The following MYO1F variants were observed in gnomAD, a reference collection of about 807,000 sequenced individuals.
MYO1F encodes the protein myosin IF.
MYO1F carries 60 observed loss-of-function variants against 146.6 expected under a neutral mutation model. That is an observed-to-expected ratio of 0.41 (90% CI 0.33 to 0.51). The LOEUF is 0.51. Among genes scored for constraint, MYO1F ranks in the 20% least tolerant of loss-of-function variants. The probability of loss-of-function intolerance (pLI) is 0.25; values close to 1 mark genes in which losing one functional copy is unlikely to be tolerated. For missense variants in MYO1F, 1,274 were observed against 1,534.3 expected (o/e 0.83, Z 2.83); for synonymous variants, 602 against 602.1 (o/e 1.00, Z 0.00).
Position 8,536,246 on chromosome 19 carries a change from A to G in MYO1F, c.2043+6T>C, listed in dbSNP as rs751355344. The G allele has an allele frequency of 6.9e-6, 11 of 1,601,186 alleles. No homozygotes were observed. Among genetic ancestry groups the G allele is most frequent in the Admixed American group, 1.7e-5 (1 of 59,836 alleles). On this transcript the variant is annotated splice_donor_region_variant and intron_variant, in intron 19 of 27. Transcript: ENST00000644032. ...CCTTCTCTGCCTGTCCCTCAAACAC[A>G]CTCACCGACTCTGGGTTCTTGACAA... is the stretch of plus-strand genomic sequence containing the variant.
At chr19:8,556,147 G>C (rs1345885322) in intron 1 of MYO1F, among the ~76,000 whole-genome samples, 1 of 151,428 alleles carries the variant, frequency 6.6e-6, no homozygotes. Context: ...TCCTGCCTCA[G>C]CCTCCCGAGT....
At chr19:8,534,881 TCC>T (rs1274095383) in intron 19 of MYO1F, among the ~76,000 whole-genome samples, 6 of 151,614 alleles carry the variant, frequency 4.0e-5, no homozygotes, top group African/African-American at 1.5e-4. Context: ...CGCCTCGGCT[TCC>T]CAAAGTGTTG....
At chr19:8,547,975 A>T in intron 12 of MYO1F, 61 bp downstream of exon 12, 2 of 1,414,530 alleles carry the variant, frequency 1.4e-6, no homozygotes, top group Non-Finnish European at 2.0e-6. Flanking sequence ...AGGGATCCTC[A>T]TGGTCCTTCC....
At position 8,554,365 on chromosome 19, in the gene MYO1F, G is replaced by C; in HGVS notation, c.326+112C>G. 4.6e-6 allele frequency: 4 copies of C among 873,362 alleles called. No homozygotes were observed. In the South Asian group the frequency reaches 5.3e-5, roughly 12 times the overall value. The allele number at this position is 873,362 out of a possible 1,614,324, so 54.1% of individuals were successfully genotyped here. A position where few individuals can be genotyped will look rare whatever the true frequency, so the allele number is the denominator to read the frequency against. ...ATAAAACAGAGTGAGGGCAGAGAGG[G>C]ACAGCAGGGCAATGTTCAGATTGGG... On this transcript the variant is annotated intron_variant, in intron 4 of 27. Transcript: ENST00000644032.
chr19:8,574,355 A>C (rs1555732720), intron 1 of MYO1F, among the ~76,000 whole-genome samples: 1 of 152,220 alleles, frequency 6.6e-6, no homozygotes, highest in African/African-American at 2.4e-5. Context: ...ATGAATGGAC[A>C]TCCCAGCTAA....
intron 2 of MYO1F, chr19:8,555,376 C>CAA (rs886749061): frequency 0.011 from 1,061 of 100,130 alleles, 3 homozygotes; most frequent in South Asian, 0.017. Flanking sequence ...GACTCCGTCT[C>CAA]AAAAAAAAAA....
chr19:8,521,748 C>A, intron 27 of MYO1F, 144 bp from the exon 28 acceptor site: 1 of 756,380 alleles, frequency 1.3e-6, no homozygotes, highest in African/African-American at 1.7e-5. Context: ...CCTCCTGCCT[C>A]AGCCTCCCAA....
Position 8,522,786 on chromosome 19 carries a change from G to A in MYO1F, c.2898C>T (p.Pro966=). Residue 966 remains proline, a synonymous_variant, in exon 26 of 28, where the codon CCC becomes CCT. Coordinates refer to ENST00000644032, the MANE Select transcript of MYO1F (RefSeq NM_012335.4). Reference sequence around the variant, plus strand: ...CTCCAGACATGATCTCCAGGGGCAGGGGGCCCCCTCTGGCAGAGGGGGGCA... The same window carrying A: ...CTCCAGACATGATCTCCAGGGGCAGAGGGCCCCCTCTGGCAGAGGGGGGCA... The part of the protein sequence containing the change: ...NGVPPSARGG[P]LPLEIMSGGG... The A allele has an allele frequency of 6.2e-7, 1 of 1,601,612 alleles. No individual in the cohort carries two copies. Among genetic ancestry groups the A allele is most frequent in the Non-Finnish European group, 8.5e-7 (1 of 1,175,882 alleles).
chr19:8,540,137 C>G (rs946746344), intron 15 of MYO1F, 109 bp from the exon 16 acceptor site: 1 of 805,986 alleles, frequency 1.2e-6, no homozygotes, highest in Non-Finnish European at 2.0e-6. Context: ...ATGGTTCTCT[C>G]AATGTGGAGG....
rs2145913465 is a variant in MYO1F at position 8,550,644 on chromosome 19, C to T, written c.822G>A (p.Leu274=). The change falls in exon 9 of 28, where the codon CTG becomes CTA. Residue 274 remains leucine (L), a synonymous_variant. Transcript: ENST00000644032. ...GIPPSIQQLV[L]QLVAGILHLG... Reference sequence around the variant, plus strand: ...GGTGCAAGATCCCCGCCACGAGCTGCAGGACCAGCTGCTGGATGCTGGGCG... The same window carrying T: ...GGTGCAAGATCCCCGCCACGAGCTGTAGGACCAGCTGCTGGATGCTGGGCG... 6.2e-7 allele frequency: 1 copy of T among 1,614,182 alleles called. No individual in the cohort carries two copies. Among genetic ancestry groups the T allele is most frequent in the Non-Finnish European group, 8.5e-7 (1 of 1,180,042 alleles).
intron 5 of MYO1F, 60 bp from the exon 6 acceptor site, chr19:8,553,288 G>T: frequency 6.3e-7 from 1 of 1,596,878 alleles, no homozygotes; most frequent in Non-Finnish European, 8.6e-7. Flanking sequence ...GCAGATGGGT[G>T]GGGCTGCACT....
At chr19:8,563,226 C>T (rs1484384477) in intron 1 of MYO1F, among the ~76,000 whole-genome samples, 1 of 151,234 alleles carries the variant, frequency 6.6e-6, no homozygotes, top group Non-Finnish European at 1.5e-5. Flanking sequence ...CTCCTGACCT[C>T]AGGTGATCCA....
rs1304194879 is a variant in MYO1F, at chr19:8,550,315, G to T, written c.946C>A (p.Arg316=). ...PAYLLGIDSG[R]LQEKLTSRKM... is the part of the protein sequence containing the mutation. ...CGGCTGGTCAGCTTCTCCTGCAGTCGCCCGCTGTCAATGCCCAGCAGGTAG... is the reference window on the plus strand; with the variant it reads ...CGGCTGGTCAGCTTCTCCTGCAGTCTCCCGCTGTCAATGCCCAGCAGGTAG... The change falls in exon 10 of 28, where the codon CGA becomes AGA. Residue 316 remains arginine (R), a synonymous_variant. Transcript: ENST00000644032. The T allele has an allele frequency of 2.5e-6, 4 of 1,613,546 alleles. No individual in the cohort carries two copies. The highest frequency in any genetic ancestry group is 1.7e-5 in the Admixed American group (1 of 59,918).
intron 14 of MYO1F, among the ~76,000 whole-genome samples, chr19:8,543,646 T>A (rs940583747): frequency 1.8e-4 from 26 of 144,706 alleles, no homozygotes; most frequent in Admixed American, 5.5e-4. Flanking sequence ...ACGGTGGTGG[T>A]GGTGGTGCTG....
At position 8,542,234 on chromosome 19, in the gene MYO1F, C is replaced by G. The variant is rs1341780222; in HGVS notation, c.1525-243G>C. On this transcript the variant is annotated intron_variant, in intron 14 of 27. Coordinates refer to ENST00000644032, the MANE Select transcript of MYO1F (RefSeq NM_012335.4). ...AGAGGATCGTGGCTGTATCCCAGGT[C>G]AGAGGTAAGGGGAGGTGGGGGTTAC... Among the ~76,000 whole-genome samples, 3 of 147,748 alleles carry G rather than the reference C, an allele frequency of 2.0e-5. No homozygotes were observed. In the Admixed American group the frequency reaches 2.1e-4, roughly 10 times the overall value.
chr19:8,551,301 C>G (rs2145915684), intron 8 of MYO1F: 2 of 251,844 alleles, frequency 7.9e-6, no homozygotes, highest in African/African-American at 4.7e-5. Context: ...ATCTACCTGC[C>G]TCGGCCTCCC....
intron 1 of MYO1F, 114 bp from the exon 2 acceptor site, chr19:8,555,910 C>T (rs1973833621): frequency 1.5e-5 from 17 of 1,120,752 alleles, no homozygotes; most frequent in Middle Eastern, 3.0e-4. Flanking sequence ...ACCTCCATTC[C>T]TCCTTCCCCA....
chr19:8,539,143 G>C (rs562311599), intron 16 of MYO1F, among the ~76,000 whole-genome samples: 1 of 151,628 alleles, frequency 6.6e-6, no homozygotes, highest in African/African-American at 2.4e-5. Flanking sequence ...GGCCGAGCGC[G>C]GTGGCTCACA....
chr19:8,551,329 G>A (rs529629257), intron 8 of MYO1F: 46 of 286,406 alleles, frequency 1.6e-4, no homozygotes, highest in African/African-American at 1.0e-3. Context: ...TGGGATTACA[G>A]GTGTGAGCCA....
Sources: allele counts gnomAD v4.1 joint callset (sites outside exome capture counted in the v4.1 genomes callset), GRCh38; gene constraint gnomAD v4.1.1; transcripts MANE v1.5; gene names NCBI Gene and HGNC (gene_info 2026-07-23, HGNC 2026-07-21).